The following SMTNL2 variants were observed in gnomAD, a reference collection of about 807,000 sequenced individuals.
SMTNL2 encodes the protein smoothelin-like protein 2.
Under a neutral mutation model 44.1 loss-of-function variants are expected in SMTNL2, and 43 were observed. The observed-to-expected ratio is 0.98, with a 90% CI of 0.76 to 1.26. SMTNL2 has a LOEUF of 1.26. Among genes scored for constraint, SMTNL2 ranks in the 50% most tolerant of loss-of-function variants. The pLI, the probability that SMTNL2 is intolerant of heterozygous loss-of-function variation, is 0.00. For missense variants in SMTNL2, 646 were observed against 670.2 expected (o/e 0.96, Z 0.40); for synonymous variants, 317 against 287.6 (o/e 1.10, Z -1.03).
Position 4,598,307 on chromosome 17 carries a change from C to T in SMTNL2, c.1259+984C>T, listed in dbSNP as rs917264281. On this transcript the variant is annotated intron_variant, in intron 7 of 7. Transcript: ENST00000389313. The surrounding 1 kb of genome is among the most constrained non-coding windows in gnomAD (Gnocchi z 4.8). The stretch of plus-strand genomic sequence containing the variant: ...GGGCCAGGGCTGTGGTTCATCCTGG[C>T]CCCCAGGGCAGGGAGCAGGGCACAG... Among the ~76,000 whole-genome samples, 2 of 152,142 alleles carry T rather than the reference C, an allele frequency of 1.3e-5. No homozygotes were observed. Among genetic ancestry groups the T allele is most frequent in the Non-Finnish European group, 2.9e-5 (2 of 68,038 alleles).
chr17:4,593,071 G>A lies in SMTNL2; in HGVS notation c.630G>A (p.Glu210=). The A allele has an allele frequency of 6.2e-7, 1 of 1,614,030 alleles. No homozygotes were observed. The highest frequency in any genetic ancestry group is 8.5e-7 in the Non-Finnish European group (1 of 1,179,992). The change falls in exon 3 of 8, where the codon GAG becomes GAA. Residue 210 remains glutamate, a synonymous_variant. Coordinates refer to ENST00000389313, the MANE Select transcript of SMTNL2 (RefSeq NM_001114974.2). ...ITRVSDRFSG[E]TSAAALSPMS... ...GAGTCTCTGACAGGTTCTCTGGGGA[G>A]ACCTCAGCTGCGGCTCTATCACCCA...
chr17:4,597,987 A>G (rs1909884596), intron 7 of SMTNL2, among the ~76,000 whole-genome samples: 1 of 152,188 alleles, frequency 6.6e-6, no homozygotes, highest in South Asian at 2.1e-4. Context: ...ACGGGGGCAC[A>G]GTCAAGAACT....
intron 3 of SMTNL2, among the ~76,000 whole-genome samples, chr17:4,593,552 C>T (rs937231385): frequency 6.6e-6 from 1 of 152,202 alleles, no homozygotes; most frequent in Non-Finnish European, 1.5e-5. Context: ...GAGCAGTGTT[C>T]ACTGGATACA....
At chr17:4,594,881 A>G (rs1050430396) in intron 4 of SMTNL2, among the ~76,000 whole-genome samples, 6 of 152,098 alleles carry the variant, frequency 3.9e-5, no homozygotes, top group Non-Finnish European at 5.9e-5. Flanking sequence ...TGTCCTCCCC[A>G]GGCATTGACA....
Position 4,597,032 on chromosome 17 carries a change from A to G in SMTNL2, c.1107+55A>G. Reference sequence around the variant, plus strand: ...GACGCCCCAGCTAAAAGCTTGACCAAGCGTCGCCCCTGTCCTTGTTCTCCC... The same window carrying G: ...GACGCCCCAGCTAAAAGCTTGACCAGGCGTCGCCCCTGTCCTTGTTCTCCC... On this transcript the variant is annotated intron_variant, in intron 6 of 7. Coordinates refer to ENST00000389313, the MANE Select transcript of SMTNL2 (RefSeq NM_001114974.2). 2.0e-6 allele frequency: 3 copies of G among 1,479,696 alleles called. No individual in the cohort carries two copies. The East Asian group carries it at 7.4e-5, about 37-fold the overall frequency. The allele number at this position is 1,479,696 out of a possible 1,614,324, so 91.7% of individuals were successfully genotyped here. A position where few individuals can be genotyped will look rare whatever the true frequency, so the allele number is the denominator to read the frequency against.
chr17:4,592,862 C>T lies in SMTNL2; in HGVS notation c.488-67C>T. 1 of 1,559,204 alleles carries T rather than the reference C, an allele frequency of 6.4e-7. No individual in the cohort carries two copies. The highest frequency in any genetic ancestry group is 8.7e-7 in the Non-Finnish European group (1 of 1,149,294). ...AGGGCCCAGGGAGGCTAGAGCCCTCCTGGGAGGTCCCAGGCCCCTGTGGCT... is the reference window on the plus strand; with the variant it reads ...AGGGCCCAGGGAGGCTAGAGCCCTCTTGGGAGGTCCCAGGCCCCTGTGGCT... On this transcript the variant is annotated intron_variant, in intron 2 of 7. Transcript: ENST00000389313. This position sits in a 1 kb window ranked among gnomAD's most constrained non-coding sequence, Gnocchi z 4.5.
intron 1 of SMTNL2, among the ~76,000 whole-genome samples, chr17:4,588,008 C>A (rs1363321280): frequency 6.6e-6 from 1 of 152,370 alleles, no homozygotes; most frequent in Non-Finnish European, 1.5e-5. Context: ...CTGCCAGGAG[C>A]CCCATGTCAG....
chr17:4,604,242 G>A (rs1910171675), intron 7 of SMTNL2, among the ~76,000 whole-genome samples: 2 of 152,192 alleles, frequency 1.3e-5, no homozygotes, highest in African/African-American at 4.8e-5. Context: ...CCCTGCCCTG[G>A]CCTGTCCCAG....
At chr17:4,597,457 G>A (rs979721527) in intron 7 of SMTNL2, 134 bp downstream of exon 7, 6 of 1,254,568 alleles carry the variant, frequency 4.8e-6, no homozygotes, top group Non-Finnish European at 6.6e-6. Flanking sequence ...GGGGCCATGT[G>A]GTCTGTGTAC....
At position 4,595,815 on chromosome 17, in the gene SMTNL2, G is replaced by A. The variant is rs924089144; in HGVS notation, c.989+488G>A. On this transcript the variant is annotated intron_variant, in intron 5 of 7. Transcript: ENST00000389313. This position sits in a 1 kb window ranked among gnomAD's most constrained non-coding sequence, Gnocchi z 5.1. ...TCCAGCCTGCTACTAGGTCTCGAGC[G>A]ACGGCTCCTCAGGCTCCAGCCCACC... Among the ~76,000 whole-genome samples the A allele has an allele frequency of 4.6e-5, 7 of 152,238 alleles. No homozygotes were observed. Among genetic ancestry groups the A allele is most frequent in the Non-Finnish European group, 1.0e-4 (7 of 68,046 alleles).
chr17:4,600,603 C>T lies in SMTNL2; in HGVS notation c.1259+3280C>T, dbSNP rs1909990719. ...TGATAATTTATGGTCCCAGAGATTC[C>T]CGGTGGCCTAATCTGTGTGAATGAT... On this transcript the variant is annotated intron_variant, in intron 7 of 7. Coordinates refer to ENST00000389313, the MANE Select transcript of SMTNL2 (RefSeq NM_001114974.2). The surrounding 1 kb of genome is among the most constrained non-coding windows in gnomAD (Gnocchi z 4.7). Among the ~76,000 whole-genome samples the T allele has an allele frequency of 6.6e-6, 1 of 152,190 alleles. No homozygotes were observed. Among genetic ancestry groups the T allele is most frequent in the Non-Finnish European group, 1.5e-5 (1 of 68,032 alleles).
intron 7 of SMTNL2, among the ~76,000 whole-genome samples, chr17:4,606,189 TC>T (rs528259690): frequency 6.6e-6 from 1 of 152,016 alleles, no homozygotes; most frequent in South Asian, 2.1e-4. Flanking sequence ...TCGCACGATC[TC>T]GGCTCACTGC....
chr17:4,593,555 T>C (rs1468609114), intron 3 of SMTNL2, among the ~76,000 whole-genome samples: 1 of 152,232 alleles, frequency 6.6e-6, no homozygotes, highest in Non-Finnish European at 1.5e-5. Flanking sequence ...CAGTGTTCAC[T>C]GGATACATGG....
rs1597414583 is a variant in SMTNL2 at position 4,596,982 on chromosome 17, GC to G, written c.1107+9del. 6.7e-7 allele frequency: 1 copy of G among 1,497,010 alleles called. No homozygotes were observed. The highest frequency in any genetic ancestry group is 9.0e-7 in the Non-Finnish European group (1 of 1,116,696). The allele number at this position is 1,497,010 out of a possible 1,614,324, so 92.7% of individuals were successfully genotyped here. On this transcript the variant is annotated splice_donor_region_variant and intron_variant, in intron 6 of 7. Coordinates refer to ENST00000389313, the MANE Select transcript of SMTNL2 (RefSeq NM_001114974.2). ...AGCAAGACGCTGGGCTACCAGGTGA[GC>G]CCCGGCTCCCCTCCGGCTGCTGGGA...
chr17:4,607,591 G>C lies in SMTNL2; in HGVS notation c.*104G>C. 6.6e-7 allele frequency: 1 copy of C among 1,525,704 alleles called. No homozygotes were observed. The highest frequency in any genetic ancestry group is 1.9e-5 in the Admixed American group (1 of 52,036). 94.5% of individuals were successfully genotyped at this position (1,525,704 alleles called of 1,614,324 possible). ...CCCCAGGAGCCTTGCCGTTTGGTGT[G>C]AGCGCGCTGTTTGTTCTGTGGCATG... On this transcript the variant is annotated 3_prime_UTR_variant, in exon 8 of 8. Transcript: ENST00000389313. The surrounding 1 kb of genome is among the most constrained non-coding windows in gnomAD (Gnocchi z 4.7).
intron 1 of SMTNL2, among the ~76,000 whole-genome samples, chr17:4,586,868 C>T (rs995705737): frequency 2.0e-5 from 3 of 152,122 alleles, no homozygotes; most frequent in African/African-American, 7.2e-5. Context: ...TGCTGGGTCA[C>T]AGATCTGGGG....
Position 4,595,387 on chromosome 17 carries a change from C to G in SMTNL2, c.989+60C>G, listed in dbSNP as rs4790655. On this transcript the variant is annotated intron_variant, in intron 5 of 7. Coordinates refer to ENST00000389313, the MANE Select transcript of SMTNL2 (RefSeq NM_001114974.2). This position sits in a 1 kb window ranked among gnomAD's most constrained non-coding sequence, Gnocchi z 5.1. The stretch of plus-strand genomic sequence containing the variant: ...ACGGTGTGCCCAGACCCAGACGGGG[C>G]TTGGGTGGGTGCAGCAGGGCAAGGT... 1,560,078 of 1,576,442 alleles carry G rather than the reference C, an allele frequency of 0.99. 772,607 individuals carry two copies. Among genetic ancestry groups the G allele is most frequent in the Non-Finnish European group, 1 (1,158,901 of 1,159,692 alleles).
chr17:4,606,631 G>A (rs532626553), intron 7 of SMTNL2, among the ~76,000 whole-genome samples: 2 of 151,884 alleles, frequency 1.3e-5, no homozygotes, highest in Admixed American at 6.6e-5. Flanking sequence ...TGGGCCGGGC[G>A]TGGTGTCTCA....
At position 4,596,972 on chromosome 17, in the gene SMTNL2, T is replaced by G; in HGVS notation, c.1102T>G (p.Tyr368Asp). 1 of 1,509,438 alleles carries G rather than the reference T, an allele frequency of 6.6e-7. No homozygotes were observed. Among genetic ancestry groups the G allele is most frequent in the South Asian group, 1.2e-5 (1 of 80,588 alleles). The allele number at this position is 1,509,438 out of a possible 1,614,324, so 93.5% of individuals were successfully genotyped here. Residue 368 changes from tyrosine (Y) to aspartate (D), a missense_variant, in exon 6 of 8, where the codon TAC becomes GAC. Physicochemically the swap from Tyr to Asp is radical, Grantham distance 160 (BLOSUM62 -3). Transcript: ENST00000389313. ...GTGGTGCCGCAGCAAGACGCTGGGC[T>G]ACCAGGTGAGCCCCGGCTCCCCTCC... ...LEWCRSKTLG[Y>D]QHVDLQNFSS...
Sources: allele counts gnomAD v4.1 joint callset (sites outside exome capture counted in the v4.1 genomes callset), GRCh38; gene constraint gnomAD v4.1.1; non-coding constraint Gnocchi (gnomAD v3.1); transcripts MANE v1.5; gene names NCBI Gene and HGNC (gene_info 2026-07-23, HGNC 2026-07-21).